TRPM5: variants seen among roughly 807,000 people sequenced by gnomAD.
The protein encoded by TRPM5 is transient receptor potential cation channel subfamily M member 5.
TRPM5 carries 121 observed loss-of-function variants against 124.9 expected under a neutral mutation model. The ratio of observed to expected loss-of-function variants is 0.97; its 90% CI spans 0.84 to 1.13. The LOEUF (loss-of-function observed/expected upper bound fraction) is 1.13. Ranked by LOEUF, TRPM5 falls within the 50% of genes most tolerant of loss-of-function variation. The pLI is 0.00. For synonymous variants in TRPM5, 781 were observed against 700.5 expected, an observed-to-expected ratio of 1.11 and a Z score of -1.81; for missense variants, 1,643 against 1,589.1, an observed-to-expected ratio of 1.03 and a Z score of -0.58.
chr11:2,426,302 G>A (rs971366706), upstream of TRPM5, among the ~76,000 whole-genome samples: 21 of 152,224 alleles, frequency 1.4e-4, no homozygotes, highest in African/African-American at 3.6e-4. Context: ...GGTGCCCCCC[G>A]CCCCCGCCGG....
intron 18 of TRPM5, among the ~76,000 whole-genome samples, chr11:2,408,880 C>T (rs1410010642): frequency 6.6e-6 from 1 of 152,230 alleles, no homozygotes. Flanking sequence ...TCTGTGTGAG[C>T]CTGTACATGT....
the TRPM5 span, among the ~76,000 whole-genome samples, chr11:2,438,707 T>C: frequency 6.6e-6 from 1 of 152,182 alleles, no homozygotes; most frequent in Non-Finnish European, 1.5e-5. This position sits in a 1 kb window ranked among gnomAD's most constrained non-coding sequence, Gnocchi z 5.9. Flanking sequence ...ACACATTCCA[T>C]GCTCATGGAT....
intron 21 of TRPM5, 44 bp from the exon 27 acceptor site, chr11:2,406,135 G>A (rs777503334): frequency 1.3e-5 from 21 of 1,601,628 alleles, no homozygotes; most frequent in African/African-American, 1.2e-4. Context: ...GCCACGCGGT[G>A]CTCTGCGTGT....
chr11:2,421,601 T>C (rs776718334), intron 2 of TRPM5, among the ~76,000 whole-genome samples: 5 of 152,228 alleles, frequency 3.3e-5, no homozygotes, highest in African/African-American at 1.2e-4. Flanking sequence ...TCTTTGGGTT[T>C]GCCACAGTCA....
intron 8 of TRPM5, 150 bp downstream of exon 13, chr11:2,415,756 G>C: frequency 1.5e-6 from 1 of 661,732 alleles, no homozygotes; most frequent in Non-Finnish European, 2.6e-6. Context: ...CAGAAGCCCG[G>C]GCAGAACCGT....
Position 2,412,735 on chromosome 11 carries a change from G to A in TRPM5, c.2355+19C>T. 1 of 1,574,726 alleles carries A rather than the reference G, an allele frequency of 6.4e-7. No individual in the cohort carries two copies. The highest frequency in any genetic ancestry group is 8.6e-7 in the Non-Finnish European group (1 of 1,160,632). ...GAAGCTGCAGAGTGGAGGGGACCTA[G>A]GCTAGTGTGGCCACCGACCTGCCGG... On this transcript the variant is annotated intron_variant, in intron 15 of 23. Transcript: ENST00000155858.
At chr11:2,414,011 C>CCCCCCCCCCCCCCCA in intron 12 of TRPM5, 50 bp downstream of exon 17, 1 of 482,248 alleles carries the variant, frequency 2.1e-6, no homozygotes, top group Non-Finnish European at 4.1e-6. Flanking sequence ...CCCAGCTCGC[C>CCCCCCCCCCCCCCCA]CGCCCACCCC....
chr11:2,408,999 C>T (rs1850385365), intron 18 of TRPM5, among the ~76,000 whole-genome samples: 1 of 152,226 alleles, frequency 6.6e-6, no homozygotes, highest in African/African-American at 2.4e-5. Flanking sequence ...CCAGGTTGCC[C>T]TGCGGTGGGT....
At chr11:2,432,265 T>G in the TRPM5 span, among the ~76,000 whole-genome samples, 249 of 152,358 alleles carry the variant, frequency 1.6e-3, no homozygotes, top group African/African-American at 5.5e-3. Flanking sequence ...ACAGCGGGTT[T>G]CCTCCAGCGG....
At chr11:2,418,447 C>T in intron 5 of TRPM5, 80 bp downstream of exon 10, 3 of 1,548,418 alleles carry the variant, frequency 1.9e-6, no homozygotes, top group Non-Finnish European at 1.7e-6. Context: ...TCCCTTCAGC[C>T]CTGTCCCAGG....
chr11:2,409,040 G>A (rs1175689753), intron 18 of TRPM5, among the ~76,000 whole-genome samples: 1 of 152,206 alleles, frequency 6.6e-6, no homozygotes, highest in Non-Finnish European at 1.5e-5. Context: ...CCAGGTTCCT[G>A]CCTCTGTGCC....
rs759395573 is a variant in TRPM5, at chr11:2,422,091, C to T, written c.298+50G>A. On this transcript the variant is annotated intron_variant, in intron 2 of 23. Transcript: ENST00000155858. ...CGGGTTGCGGGGACAGTCAGGGGGT[C>T]GGGCTGCCCTGTGGGGTGGGAGCGC... 2.0e-4 allele frequency: 309 copies of T among 1,512,530 alleles called. 3 individuals carry two copies. The South Asian group carries it at 2.9e-3, about 14-fold the overall frequency. The allele number at this position is 1,512,530 out of a possible 1,614,324, so 93.7% of individuals were successfully genotyped here.
intron 23 of TRPM5, 88 bp from the exon 29 acceptor site, chr11:2,405,131 C>T: frequency 8.8e-7 from 1 of 1,140,460 alleles, no homozygotes; most frequent in South Asian, 1.4e-5. Flanking sequence ...AGGCAAGGGC[C>T]AGGACGCCGT....
At chr11:2,442,010 G>C in the TRPM5 span, among the ~76,000 whole-genome samples, 1 of 152,162 alleles carries the variant, frequency 6.6e-6, no homozygotes, top group African/African-American at 2.4e-5. This position sits in a 1 kb window ranked among gnomAD's most constrained non-coding sequence, Gnocchi z 5.9. Flanking sequence ...AAATATGGAG[G>C]CTTGACCTGC....
At chr11:2,438,380 A>G in the TRPM5 span, among the ~76,000 whole-genome samples, 1 of 152,158 alleles carries the variant, frequency 6.6e-6, no homozygotes, top group Non-Finnish European at 1.5e-5. The surrounding 1 kb of genome is among the most constrained non-coding windows in gnomAD (Gnocchi z 5.9). Flanking sequence ...CCTGAAAGAA[A>G]TTGGCTGGAT....
intron 4 of TRPM5, among the ~76,000 whole-genome samples, chr11:2,419,448 G>GA (rs57385993): frequency 5.1e-4 from 70 of 137,436 alleles, no homozygotes; most frequent in Middle Eastern, 3.8e-3. Context: ...TCTCTACTGG[G>GA]AAAAAAAAAA....
rs141707018 is a variant in TRPM5, at chr11:2,405,561, C to T, written c.3357G>A (p.Val1119=). ...CGCCACCCTGGGCCAGCACGTCAGC[C>T]ACGGAGGACACGAGCACCGAGCAGT... Residue 1119 remains valine (V), a synonymous_variant, in exon 23 of 24, where the codon GTG becomes GTA. Transcript: ENST00000155858. 16 of 1,565,626 alleles carry T rather than the reference C, an allele frequency of 1.0e-5. No homozygotes were observed. In the African/African-American group the frequency reaches 1.9e-4, roughly 19 times the overall value.
chr11:2,425,153 T>A (rs1454677133), upstream of TRPM5, among the ~76,000 whole-genome samples: 1 of 151,818 alleles, frequency 6.6e-6, no homozygotes, highest in Non-Finnish European at 1.5e-5. Context: ...GGACAAGGCT[T>A]GGCATTGCTG....
chr11:2,423,502 G>A (rs78932744), upstream of TRPM5, among the ~76,000 whole-genome samples: 4,471 of 152,312 alleles, frequency 0.029, 99 homozygotes, highest in Middle Eastern at 0.065. Flanking sequence ...GACCCTGGGT[G>A]CACCTGGGTA....
Sources: gnomAD v4.1 joint callset for allele counts (sites outside exome capture counted in the v4.1 genomes callset) on GRCh38, gnomAD v4.1.1 for gene constraint, Gnocchi (gnomAD v3.1) non-coding constraint, MANE v1.5 for transcripts, NCBI Gene and HGNC (gene_info 2026-07-23, HGNC 2026-07-21) for gene names.